The following TTC34 variants were observed in gnomAD, a reference collection of about 807,000 sequenced individuals.
The protein encoded by TTC34 is tetratricopeptide repeat protein 34.
In TTC34, 44 loss-of-function variants were observed where a neutral mutation model predicts 40.7. The observed-to-expected ratio is 1.08, with a 90% CI of 0.85 to 1.39. The LOEUF (loss-of-function observed/expected upper bound fraction) is 1.39, where lower values mean the gene tolerates loss of function less well. Ranked by LOEUF, TTC34 falls within the 40% of genes most tolerant of loss-of-function variation. The pLI, the probability that TTC34 is intolerant of heterozygous loss-of-function variation, is 0.00. For missense variants in TTC34, 884 were observed against 838.0 expected (o/e 1.05, Z -0.68); for synonymous variants, 422 against 398.6 (o/e 1.06, Z -0.70).
In TTC34 at chr1:2,748,779, C is replaced by G. The variant is rs1354052752; in HGVS notation, c.2226+34830G>C. On this transcript the variant is annotated intron_variant, in intron 6 of 8. Coordinates refer to ENST00000401095, the Ensembl canonical transcript of TTC34. ...CCCACACCCCTAGGAGAGCATCCGGCAGCCTGGAGCGGAACCCACACCCAC... is the reference window on the plus strand; with the variant it reads ...CCCACACCCCTAGGAGAGCATCCGGGAGCCTGGAGCGGAACCCACACCCAC... Among the ~76,000 whole-genome samples the G allele has an allele frequency of 7.7e-5, 3 of 38,930 alleles. 1 individual carries two copies. Among genetic ancestry groups the G allele is most frequent in the Admixed American group, 2.6e-4 (1 of 3,882 alleles). The allele number at this position is 38,930 out of a possible 152,430, so 25.5% of individuals were successfully genotyped here. A position where few individuals can be genotyped will look rare whatever the true frequency, so the allele number is the denominator to read the frequency against.
rs1449193358 is a variant in TTC34, at chr1:2,767,401, C to A, written c.2226+16208G>T. The stretch of plus-strand genomic sequence containing the variant: ...CCGACAGCCTGGAGCAGCACCCACA[C>A]CCCCAGGTGAGCATCTGACCGCATG... On this transcript the variant is annotated intron_variant, in intron 6 of 8. Transcript: ENST00000401095. 3.5e-5 allele frequency among the ~76,000 whole-genome samples: 5 copies of A among 141,450 alleles called. No individual in the cohort carries two copies. The South Asian group carries it at 9.8e-4, about 28-fold the overall frequency. The allele number at this position is 141,450 out of a possible 152,430, so 92.8% of individuals were successfully genotyped here.
intron 6 of TTC34, among the ~76,000 whole-genome samples, chr1:2,684,521 AG>A (rs1303302110): frequency 6.8e-6 from 1 of 147,320 alleles, no homozygotes; most frequent in East Asian, 2.0e-4. Context: ...CCACACCCCC[AG>A]GTGAGCATCC....
intron 6 of TTC34, among the ~76,000 whole-genome samples, chr1:2,683,285 C>A (rs1242800909): frequency 1.3e-5 from 2 of 151,500 alleles, no homozygotes; most frequent in East Asian, 1.9e-4. Flanking sequence ...AGGTGAGCAT[C>A]TGACAGCCTG....
intron 6 of TTC34, among the ~76,000 whole-genome samples, chr1:2,700,053 C>A (rs982316387): frequency 5.7e-5 from 7 of 122,426 alleles, no homozygotes; most frequent in African/African-American, 1.6e-4. Flanking sequence ...GCGCCCACAC[C>A]CAGAGGTGAG....
intron 6 of TTC34, among the ~76,000 whole-genome samples, chr1:2,769,922 A>G (rs1642019277): frequency 3.0e-5 from 1 of 33,886 alleles, no homozygotes; most frequent in Non-Finnish European, 5.1e-5. Flanking sequence ...CCCCCAGGTG[A>G]GATCTGACAG....
chr1:2,681,257 CCCACACACCCAGGTGAGCA>C (rs1640060525), intron 6 of TTC34, among the ~76,000 whole-genome samples: 3 of 113,670 alleles, frequency 2.6e-5, no homozygotes, highest in African/African-American at 6.9e-5. Context: ...TGGAGCAGCA[CCCACACACCCAGGTGAGCA>C]ACTGACAGCC....
At chr1:2,789,279 C>T (rs1188643482) in intron 3 of TTC34, among the ~76,000 whole-genome samples, 1 of 152,140 alleles carries the variant, frequency 6.6e-6, no homozygotes, top group Admixed American at 6.5e-5. Flanking sequence ...TTTACATGCA[C>T]CAAACGAAAG....
In TTC34 at chr1:2,796,978, C is replaced by T. The variant is rs1643715073; in HGVS notation, c.784+3066G>A. On this transcript the variant is annotated intron_variant, in intron 2 of 8. Coordinates refer to ENST00000401095, the Ensembl canonical transcript of TTC34. The surrounding 1 kb of genome is among the most constrained non-coding windows in gnomAD (Gnocchi z 4.5). Reference sequence around the variant, plus strand: ...TGTGGCCACTCTCAGGGCTGCCTACCTGTCTTTATCTTGCAAACCCCCTTC... The same window carrying T: ...TGTGGCCACTCTCAGGGCTGCCTACTTGTCTTTATCTTGCAAACCCCCTTC... 6.6e-6 allele frequency among the ~76,000 whole-genome samples: 1 copy of T among 152,102 alleles called. No homozygotes were observed. The highest frequency in any genetic ancestry group is 2.4e-5 in the African/African-American group (1 of 41,404).
At chr1:2,686,473 ACC>A (rs1640353886) in intron 6 of TTC34, among the ~76,000 whole-genome samples, 15 of 137,104 alleles carry the variant, frequency 1.1e-4, no homozygotes, top group Admixed American at 3.7e-4. Flanking sequence ...CTGGAACAGC[ACC>A]CACATGCCCA....
intron 6 of TTC34, chr1:2,774,163 G>A (rs1169757081): frequency 6.8e-6 from 1 of 146,590 alleles, no homozygotes; most frequent in Non-Finnish European, 1.5e-5. Flanking sequence ...ACATCTGATA[G>A]CCTGGAACAG....
intron 6 of TTC34, among the ~76,000 whole-genome samples, chr1:2,681,647 C>G (rs527792423): frequency 1.3e-5 from 1 of 79,060 alleles, no homozygotes; most frequent in Admixed American, 1.2e-4. Context: ...ACCTGACAGC[C>G]TGGAGCAGCA....
At chr1:2,656,043 C>G in intron 6 of TTC34, among the ~76,000 whole-genome samples, 1 of 152,278 alleles carries the variant, frequency 6.6e-6, no homozygotes, top group Non-Finnish European at 1.5e-5. Flanking sequence ...CAGCCTGGAG[C>G]AGCACCCACA....
At chr1:2,788,212 TC>T (rs1643616559) in intron 3 of TTC34, among the ~76,000 whole-genome samples, 1 of 152,200 alleles carries the variant, frequency 6.6e-6, no homozygotes, top group East Asian at 1.9e-4. Context: ...CAGCAGCAAA[TC>T]AAAGCCACGC....
chr1:2,797,666 G>A (rs540859470), intron 2 of TTC34, among the ~76,000 whole-genome samples: 4 of 152,228 alleles, frequency 2.6e-5, no homozygotes, highest in African/African-American at 4.8e-5. Flanking sequence ...TCAGGGATCC[G>A]AGGGTGGCAG....
intron 3 of TTC34, among the ~76,000 whole-genome samples, chr1:2,788,853 A>G (rs1643625077): frequency 6.6e-6 from 1 of 152,176 alleles, no homozygotes; most frequent in Non-Finnish European, 1.5e-5. Flanking sequence ...GCACTTTGGG[A>G]GGCCCGGGTG....
At chr1:2,749,609 G>C (rs1216743819) in intron 6 of TTC34, among the ~76,000 whole-genome samples, 1,004 of 93,974 alleles carry the variant, frequency 0.011, 79 homozygotes, top group Middle Eastern at 0.02. Flanking sequence ...CACACCCCCA[G>C]GTGTGCATGT....
intron 6 of TTC34, among the ~76,000 whole-genome samples, chr1:2,700,380 T>A (rs1641076407): frequency 9.1e-6 from 1 of 110,184 alleles, no homozygotes; most frequent in South Asian, 2.7e-4. Context: ...CAACCCCAGG[T>A]GAGTATCTGA....
chr1:2,676,909 C>A (rs1639923710), intron 6 of TTC34, among the ~76,000 whole-genome samples: 1 of 135,364 alleles, frequency 7.4e-6, no homozygotes, highest in Non-Finnish European at 1.6e-5. Flanking sequence ...CATCTGACAG[C>A]CTGGAGCAGC....
chr1:2,752,796 C>A (rs1364580593), intron 6 of TTC34, among the ~76,000 whole-genome samples: 7 of 131,788 alleles, frequency 5.3e-5, no homozygotes, highest in Admixed American at 1.5e-4. Context: ...ATGTGACAGC[C>A]TGGAACAGCT....
Sources: gnomAD v4.1 joint callset for allele counts (sites outside exome capture counted in the v4.1 genomes callset) on GRCh38, gnomAD v4.1.1 for gene constraint, Gnocchi (gnomAD v3.1) non-coding constraint, MANE v1.5 for transcripts, NCBI Gene and HGNC (gene_info 2026-07-23, HGNC 2026-07-21) for gene names.